SLC38A9: variants seen among roughly 807,000 people sequenced by gnomAD.
The protein encoded by SLC38A9 is solute carrier family 38 member 9, also known as neutral amino acid transporter 9.
Under a neutral mutation model 62.3 loss-of-function variants are expected in SLC38A9, and 48 were observed. The ratio of observed to expected loss-of-function variants is 0.77; its 90% CI spans 0.61 to 0.98. SLC38A9 has a LOEUF of 0.98. SLC38A9 is among the 50% of genes least tolerant of loss of function. The pLI, the probability that SLC38A9 is intolerant of heterozygous loss-of-function variation, is 0.00. For synonymous variants in SLC38A9, 204 were observed against 227.7 expected (o/e 0.90, Z 0.94); for missense variants, 541 against 679.8 (o/e 0.80, Z 2.27).
chr5:55,685,411 T>G (rs1279501732), intron 3 of SLC38A9, among the ~76,000 whole-genome samples: 1 of 152,244 alleles, frequency 6.6e-6, no homozygotes, highest in African/African-American at 2.4e-5. Flanking sequence ...TCTTCAAGGT[T>G]GATACATATT....
chr5:55,694,120 A>T (rs1317016381), intron 3 of SLC38A9: 3 of 181,936 alleles, frequency 1.6e-5, no homozygotes, highest in South Asian at 1.1e-4. Flanking sequence ...AAGTGGGAGG[A>T]CTGCTTCAGC....
rs746218965 is a variant in SLC38A9, at chr5:55,626,635, C to T, written c.1545G>A (p.Leu515=). Residue 515 remains leucine, a synonymous_variant, in exon 16 of 16, where the codon CTG becomes CTA. Coordinates refer to ENST00000396865, the MANE Select transcript of SLC38A9 (RefSeq NM_173514.4). Reference sequence around the variant, plus strand: ...GAGATGGGTATATGAATACAAAGGCCAGTCCACATGCTGCTCCTGAATATC... The same window carrying T: ...GAGATGGGTATATGAATACAAAGGCTAGTCCACATGCTGCTCCTGAATATC... ...IIRYSGAACG[L]AFVFIYPSLI... is the part of the protein sequence containing the mutation. 1 of 1,609,710 alleles carries T rather than the reference C, an allele frequency of 6.2e-7. No individual in the cohort carries two copies. The highest frequency in any genetic ancestry group is 1.1e-5 in the South Asian group (1 of 90,546).
intron 3 of SLC38A9, among the ~76,000 whole-genome samples, chr5:55,676,289 T>TCAGC (rs1752068790): frequency 2.0e-5 from 3 of 151,834 alleles, no homozygotes; most frequent in African/African-American, 7.3e-5. Context: ...CCTGCCTCAG[T>TCAGC]CTCAGCCTCC....
intron 7 of SLC38A9, among the ~76,000 whole-genome samples, chr5:55,668,707 T>G (rs1051941676): frequency 2.0e-5 from 3 of 152,224 alleles, no homozygotes; most frequent in Non-Finnish European, 4.4e-5. Context: ...CTAGACTACT[T>G]TAAAACAACC....
intron 14 of SLC38A9, among the ~76,000 whole-genome samples, chr5:55,629,383 C>T (rs923439768): frequency 6.6e-6 from 1 of 152,034 alleles, no homozygotes; most frequent in Non-Finnish European, 1.5e-5. Context: ...GCTTTCTATA[C>T]TCTATTCTTT....
intron 2 of SLC38A9, among the ~76,000 whole-genome samples, chr5:55,703,256 A>G (rs1454006010): frequency 6.6e-6 from 1 of 152,208 alleles, no homozygotes; most frequent in African/African-American, 2.4e-5. Flanking sequence ...GTCCTAAATC[A>G]CTTGAATAAT....
intron 3 of SLC38A9, among the ~76,000 whole-genome samples, chr5:55,679,236 AT>A (rs1005939664): frequency 8.3e-4 from 125 of 149,756 alleles, no homozygotes; most frequent in East Asian, 1.2e-3. Context: ...TAAGATTGTT[AT>A]TTTTTTTTTA....
At position 55,640,922 on chromosome 5, in the gene SLC38A9, C is replaced by T. The variant is rs972690442; in HGVS notation, c.1167+4867G>A. 4.6e-5 allele frequency among the ~76,000 whole-genome samples: 7 copies of T among 150,984 alleles called. No individual in the cohort carries two copies. The East Asian group carries it at 5.9e-4, about 13-fold the overall frequency. The stretch of plus-strand genomic sequence containing the variant: ...TGTGATCTCGGCTCACTGCAACCTC[C>T]GCCTGCCAGGTTCAAGCGATTCTCC... On this transcript the variant is annotated intron_variant, in intron 12 of 15. Transcript: ENST00000396865.
intron 14 of SLC38A9, among the ~76,000 whole-genome samples, chr5:55,632,618 C>T (rs968922063): frequency 3.9e-5 from 6 of 152,116 alleles, no homozygotes; most frequent in Admixed American, 2.0e-4. Context: ...AACTAGAATC[C>T]CTCTTCCCCA....
chr5:55,681,796 A>G (rs1753052063), intron 3 of SLC38A9, among the ~76,000 whole-genome samples: 1 of 152,172 alleles, frequency 6.6e-6, no homozygotes, highest in Non-Finnish European at 1.5e-5. Flanking sequence ...TCGGTACACT[A>G]TGGCCTGATA....
Position 55,656,746 on chromosome 5 carries a change from G to A in SLC38A9, c.726C>T (p.Asp242=). The change falls in exon 9 of 16, where the codon GAC becomes GAT. Residue 242 remains aspartate (D), a synonymous_variant. Transcript: ENST00000396865. The part of the protein sequence containing the change: ...FNFIHHINDT[D]TILSTNNSNP... The stretch of plus-strand genomic sequence containing the variant: ...TGCTATTATTGGTACTCAGTATAGT[G>A]TCTGTGTCATTAATGTGATGAATAA... 2 of 1,591,268 alleles carry A rather than the reference G, an allele frequency of 1.3e-6. No individual in the cohort carries two copies. Among genetic ancestry groups the A allele is most frequent in the Non-Finnish European group, 8.6e-7 (1 of 1,164,312 alleles).
intron 3 of SLC38A9, chr5:55,693,174 A>G (rs1423824065): frequency 5.2e-5 from 10 of 192,514 alleles, no homozygotes; most frequent in Non-Finnish European, 8.6e-5. Context: ...TCCCGCCTAA[A>G]GCACTCAGTT....
At chr5:55,643,202 G>C (rs944077455) in intron 12 of SLC38A9, among the ~76,000 whole-genome samples, 9 of 152,110 alleles carry the variant, frequency 5.9e-5, no homozygotes, top group African/African-American at 2.2e-4. Flanking sequence ...TTTTAGTGTA[G>C]GTGTTTACAG....
At chr5:55,638,130 A>G (rs762485471) in intron 12 of SLC38A9, among the ~76,000 whole-genome samples, 18 of 152,224 alleles carry the variant, frequency 1.2e-4, no homozygotes, top group Non-Finnish European at 2.1e-4. Context: ...CAGGAGCTGC[A>G]TATGTGTTTT....
rs559958098 is a variant in SLC38A9 at position 55,662,938 on chromosome 5, C to T, written c.697+1755G>A. On this transcript the variant is annotated intron_variant, in intron 8 of 15. Coordinates refer to ENST00000396865, the MANE Select transcript of SLC38A9 (RefSeq NM_173514.4). Reference sequence around the variant, plus strand: ...TGAGATAGAGTCTTGCTCTGTTGCCCAGGCTGGAGTGCAGTGGTGCAATCT... The same window carrying T: ...TGAGATAGAGTCTTGCTCTGTTGCCTAGGCTGGAGTGCAGTGGTGCAATCT... 7.3e-5 allele frequency among the ~76,000 whole-genome samples: 11 copies of T among 150,276 alleles called. No individual in the cohort carries two copies. In the South Asian group the frequency reaches 2.3e-3, roughly 32 times the overall value.
chr5:55,671,606 C>G (rs1229311490), intron 4 of SLC38A9, among the ~76,000 whole-genome samples: 1 of 151,218 alleles, frequency 6.6e-6, no homozygotes, highest in Middle Eastern at 3.4e-3. Flanking sequence ...GCCTGTAATC[C>G]CAGCACCTCA....
intron 12 of SLC38A9, among the ~76,000 whole-genome samples, chr5:55,643,956 T>TTTTA (rs202086177): frequency 5.3e-5 from 8 of 152,018 alleles, no homozygotes; most frequent in Admixed American, 2.6e-4. Flanking sequence ...TGAAAATCTC[T>TTTTA]TTTATTTATT....
intron 3 of SLC38A9, among the ~76,000 whole-genome samples, chr5:55,691,517 A>G (rs978399443): frequency 1.3e-5 from 2 of 152,194 alleles, no homozygotes; most frequent in African/African-American, 4.8e-5. Flanking sequence ...CAAATTAACT[A>G]TTTCACAATC....
At chr5:55,696,931 G>A (rs1253856763) in intron 3 of SLC38A9, 7 of 154,696 alleles carry the variant, frequency 4.5e-5, no homozygotes, top group Non-Finnish European at 9.6e-5. Flanking sequence ...ACGAGGCGGC[G>A]GGGCAGAGGC....
Sources: gnomAD v4.1 joint callset for allele counts (sites outside exome capture counted in the v4.1 genomes callset) on GRCh38, gnomAD v4.1.1 for gene constraint, MANE v1.5 for transcripts, NCBI Gene and HGNC (gene_info 2026-07-23, HGNC 2026-07-21) for gene names.